Variants in PARP3 observed in about 807,000 individuals in gnomAD.
The protein encoded by PARP3 is poly(ADP-ribose) polymerase family member 3, also known as protein mono-ADP-ribosyltransferase PARP3.
PARP3 carries 46 observed loss-of-function variants against 58.2 expected under a neutral mutation model. The observed-to-expected ratio is 0.79, with a 90% CI of 0.62 to 1.01. PARP3 has a LOEUF of 1.01. Among genes scored for constraint, PARP3 ranks in the 50% least tolerant of loss-of-function variants. PARP3 has a pLI of 0.00. For missense variants in PARP3, 663 were observed against 683.9 expected (o/e 0.97, Z 0.34); for synonymous variants, 252 against 266.4 (o/e 0.95, Z 0.53).
At position 51,943,939 on chromosome 3, in the gene PARP3, A is replaced by G; in HGVS notation, c.184-150A>G. ...TCCTCTCACACCGCATCCCCTAGGG[A>G]AGAGCAGTGACCCCCCCAAGCTTCC... On this transcript the variant is annotated intron_variant, in intron 2 of 10. Coordinates refer to ENST00000398755, the MANE Select transcript of PARP3 (RefSeq NM_001003931.4). The G allele has an allele frequency of 5.2e-6, 3 of 581,530 alleles. 1 individual carries two copies. The highest frequency in any genetic ancestry group is 9.7e-4 in the Middle Eastern group (2 of 2,056). The allele number at this position is 581,530 out of a possible 1,614,324, so 36.0% of individuals were successfully genotyped here. A position where few individuals can be genotyped will look rare whatever the true frequency, so the allele number is the denominator to read the frequency against.
At chr3:51,945,444 G>A (rs1185586454) in intron 6 of PARP3, 51 bp from the exon 7 acceptor site, 7 of 1,588,450 alleles carry the variant, frequency 4.4e-6, no homozygotes, top group Non-Finnish European at 6.0e-6. Flanking sequence ...AGAGGAGAGG[G>A]GAGGCCAGAG....
chr3:51,947,813 C>A lies in PARP3; in HGVS notation c.1350C>A (p.His450Gln). 1 of 1,614,114 alleles carries A rather than the reference C, an allele frequency of 6.2e-7. No individual in the cohort carries two copies. Among genetic ancestry groups the A allele is most frequent in the Non-Finnish European group, 8.5e-7 (1 of 1,180,006 alleles). The change falls in exon 10 of 11, where the codon CAC becomes CAA. Residue 450 changes from histidine to glutamine, a missense_variant. This residue lies in a region of PARP3 where 88 missense variants were observed against 109.1 expected (regional missense o/e 0.81). Transcript: ENST00000398755. ...FLGEVALGRE[H>Q]HINTDNPSLK... Reference sequence around the variant, plus strand: ...GTGAGGTGGCCCTGGGCAGAGAGCACCATATCAACACGGACAACCCCAGCT... The same window carrying A: ...GTGAGGTGGCCCTGGGCAGAGAGCAACATATCAACACGGACAACCCCAGCT...
chr3:51,943,812 T>TC (rs1699601945), intron 2 of PARP3, among the ~76,000 whole-genome samples: 1 of 151,958 alleles, frequency 6.6e-6, no homozygotes, highest in Non-Finnish European at 1.5e-5. Flanking sequence ...CTTGCCCATG[T>TC]CCCCTCAGGG....
At chr3:51,942,803 T>C in intron 1 of PARP3, 95 bp downstream of exon 1, 1 of 1,504,630 alleles carries the variant, frequency 6.6e-7, no homozygotes, top group Non-Finnish European at 8.9e-7. Flanking sequence ...TGATCCGGAG[T>C]TCTGGCTCCT....
At chr3:51,942,808 G>T in intron 1 of PARP3, 100 bp downstream of exon 1, 3 of 1,500,694 alleles carry the variant, frequency 2.0e-6, no homozygotes, top group Non-Finnish European at 1.8e-6. Context: ...CGGAGTTCTG[G>T]CTCCTCAGAA....
At chr3:51,947,939 C>G (rs747649683) in intron 10 of PARP3, 44 bp downstream of exon 10, 2 of 1,566,558 alleles carry the variant, frequency 1.3e-6, no homozygotes, top group Admixed American at 3.4e-5. Flanking sequence ...GAGGTGGGGC[C>G]GAGATAGGGG....
chr3:51,946,212 T>A lies in PARP3; in HGVS notation c.1145T>A (p.Leu382Gln). 3 of 1,612,972 alleles carry A rather than the reference T, an allele frequency of 1.9e-6. No homozygotes were observed. Among genetic ancestry groups the A allele is most frequent in the Non-Finnish European group, 2.5e-6 (3 of 1,179,288 alleles). ...AHSKLGNRKL[L>Q]WHGTNMAVVA... The stretch of plus-strand genomic sequence containing the variant: ...TCCAAACTGGGTAATCGGAAGCTGC[T>A]GTGGCATGGCACCAACATGGCCGTG... Residue 382 changes from leucine (L) to glutamine (Q), a missense_variant, in exon 9 of 11, where the codon CTG becomes CAG. By Grantham distance (113) the Leu-to-Gln change is moderately radical. Around this residue, in one of 3 missense-constraint regions of PARP3, gnomAD observed 567 missense variants for 553.6 expected, o/e 1.02. Coordinates refer to ENST00000398755, the MANE Select transcript of PARP3 (RefSeq NM_001003931.4). The surrounding 1 kb of genome is among the most constrained non-coding windows in gnomAD (Gnocchi z 4.6).
In PARP3 at chr3:51,944,520, G is replaced by A. The variant is rs1434515174; in HGVS notation, c.443G>A (p.Gly148Asp). ...AERDHFVSHP[G>D]KYTLIEVQAE... ...CGGGACCACTTTGTGTCTCACCCGG[G>A]CAAGTACACACTTATCGAAGTACAG... Residue 148 changes from glycine (G) to aspartate (D), a missense_variant, in exon 4 of 11, where the codon GGC becomes GAC. By Grantham distance (94) the Gly-to-Asp change is moderately conservative. Around this residue, in one of 3 missense-constraint regions of PARP3, gnomAD observed 567 missense variants for 553.6 expected, o/e 1.02. Coordinates refer to ENST00000398755, the MANE Select transcript of PARP3 (RefSeq NM_001003931.4). This position sits in a 1 kb window ranked among gnomAD's most constrained non-coding sequence, Gnocchi z 4.2. The A allele has an allele frequency of 1.2e-6, 2 of 1,614,218 alleles. No homozygotes were observed. The highest frequency in any genetic ancestry group is 8.5e-7 in the Non-Finnish European group (1 of 1,180,040).
Position 51,947,884 on chromosome 3 carries a change from A to G in PARP3, c.1421A>G (p.His474Arg). The G allele has an allele frequency of 6.2e-7, 1 of 1,613,916 alleles. No individual in the cohort carries two copies. The highest frequency in any genetic ancestry group is 1.1e-5 in the South Asian group (1 of 91,076). ...PGFDSVIARG[H>R]TEPDPTQDTE... ...TTCGACAGTGTCATTGCCCGAGGCC[A>G]CACCGAGCCTGGTGAGTCCTCAGAA... is the stretch of plus-strand genomic sequence containing the variant. The change falls in exon 10 of 11, where the codon CAC (histidine) becomes CGC (arginine). Residue 474 changes from histidine to arginine, a missense_variant. Around this residue, in one of 3 missense-constraint regions of PARP3, gnomAD observed 88 missense variants for 109.1 expected, o/e 0.81. Coordinates refer to ENST00000398755, the MANE Select transcript of PARP3 (RefSeq NM_001003931.4).
chr3:51,948,346 C>T lies in PARP3; in HGVS notation c.1468C>T (p.Gln490Ter). Residue 490 changes from glutamine to a stop codon, truncating the protein, a stop_gained, in exon 11 of 11, where the codon CAG (glutamine) becomes TAG (stop). Transcript: ENST00000398755. LOFTEE classifies it high-confidence loss of function. ...TQDTELELDG[Q>*]QVVVPQGQPV... ...GGACACTGAGTTGGAGCTGGATGGC[C>T]AGCAAGTGGTGGTGCCCCAGGGCCA... The T allele has an allele frequency of 6.2e-7, 1 of 1,613,922 alleles. No individual in the cohort carries two copies.
In PARP3 at chr3:51,946,062, CG is replaced by C; in HGVS notation, c.1099-103del. 1 of 1,345,028 alleles carries C rather than the reference CG, an allele frequency of 7.4e-7. No homozygotes were observed. 83.3% of individuals were successfully genotyped at this position (1,345,028 alleles called of 1,614,324 possible). ...TCAGTTTCTGCCGGCCATGAGTGCG[CG>C]TGAGTAAGCAGAGGGACACTAGGCC... On this transcript the variant is annotated intron_variant, in intron 8 of 10. Coordinates refer to ENST00000398755, the MANE Select transcript of PARP3 (RefSeq NM_001003931.4). The surrounding 1 kb of genome is among the most constrained non-coding windows in gnomAD (Gnocchi z 4.6).
Position 51,942,633 on chromosome 3 carries a change from T to C in PARP3, c.-78T>C, listed in dbSNP as rs1699570990. 2.9e-5 allele frequency: 28 copies of C among 974,052 alleles called. 1 individual carries two copies. The Middle Eastern group carries it at 6.1e-4, about 21-fold the overall frequency. The allele number at this position is 974,052 out of a possible 1,614,324, so 60.3% of individuals were successfully genotyped here. On this transcript the variant is annotated 5_prime_UTR_variant, in exon 1 of 11. Transcript: ENST00000398755. ...GAGGCTCATGGAGAGTTGCTAGACCTGGGACTGCCCTGGGAGGCGCACACA... is the reference window on the plus strand; with the variant it reads ...GAGGCTCATGGAGAGTTGCTAGACCCGGGACTGCCCTGGGAGGCGCACACA...
chr3:51,944,121 G>T lies in PARP3; in HGVS notation c.216G>T (p.Gln72His). ...VYEDYNCTLN[Q>H]TNIENNNNKF... ...AGGACTACAACTGCACCCTGAACCA[G>T]ACCAACATCGAGAACAACAACAACA... The change falls in exon 3 of 11, where the codon CAG (glutamine) becomes CAT (histidine). Residue 72 changes from glutamine to histidine, a missense_variant. Physicochemically the swap from Gln to His is conservative, Grantham distance 24. Coordinates refer to ENST00000398755, the MANE Select transcript of PARP3 (RefSeq NM_001003931.4). The surrounding 1 kb of genome is among the most constrained non-coding windows in gnomAD (Gnocchi z 4.2). The T allele has an allele frequency of 6.2e-7, 1 of 1,613,798 alleles. No homozygotes were observed. Among genetic ancestry groups the T allele is most frequent in the South Asian group, 1.1e-5 (1 of 91,044 alleles).
rs1699635951 is a variant in PARP3 at position 51,944,926 on chromosome 3, C to T, written c.634+16C>T. 1 of 1,613,576 alleles carries T rather than the reference C, an allele frequency of 6.2e-7. No individual in the cohort carries two copies. The highest frequency in any genetic ancestry group is 2.2e-5 in the East Asian group (1 of 44,878). On this transcript the variant is annotated intron_variant, in intron 5 of 10. Coordinates refer to ENST00000398755, the MANE Select transcript of PARP3 (RefSeq NM_001003931.4). This position sits in a 1 kb window ranked among gnomAD's most constrained non-coding sequence, Gnocchi z 4.2. ...ATGGACCTGGGTGAGGGGTGAGAGG[C>T]AGGCAGGGTGGCAGGGGCCTCAGGG... is the stretch of plus-strand genomic sequence containing the variant.
At position 51,945,904 on chromosome 3, in the gene PARP3, C is replaced by CT; in HGVS notation, c.1065dup (p.Gln356SerfsTer23). The CT allele has an allele frequency of 6.2e-7, 1 of 1,614,176 alleles. No individual in the cohort carries two copies. Among genetic ancestry groups the CT allele is most frequent in the Non-Finnish European group, 8.5e-7 (1 of 1,180,006 alleles). Reference sequence around the variant, plus strand: ...TGGCAGCAACCACAGGTGCCCTACACTTCAACACATCTGGAAAGTAAACCA... The same window carrying CT: ...TGGCAGCAACCACAGGTGCCCTACACTTTCAACACATCTGGAAAGTAAACCA... On this transcript the variant is annotated frameshift_variant, in exon 8 of 11. Coordinates refer to ENST00000398755, the MANE Select transcript of PARP3 (RefSeq NM_001003931.4). LOFTEE classifies it high-confidence loss of function.
chr3:51,945,900 T>C lies in PARP3; in HGVS notation c.1059T>C (p.Pro353=). 2 of 1,614,130 alleles carry C rather than the reference T, an allele frequency of 1.2e-6. No individual in the cohort carries two copies. Among genetic ancestry groups the C allele is most frequent in the Non-Finnish European group, 1.7e-6 (2 of 1,179,990 alleles). ...LEQTGSNHRC[P]TLQHIWKVNQ... ...AGACTGGCAGCAACCACAGGTGCCC[T>C]ACACTTCAACACATCTGGAAAGTAA... The change falls in exon 8 of 11, where the codon CCT becomes CCC. Residue 353 remains proline (P), a synonymous_variant. Coordinates refer to ENST00000398755, the MANE Select transcript of PARP3 (RefSeq NM_001003931.4).
intron 7 of PARP3, 23 bp from the exon 8 acceptor site, chr3:51,945,830 A>G: frequency 6.2e-7 from 1 of 1,608,328 alleles, no homozygotes; most frequent in East Asian, 2.2e-5. Context: ...CACCCTGGCA[A>G]CCAGCTTCTG....
rs920827652 is a variant in PARP3 at position 51,945,243 on chromosome 3, G to A, written c.861+19G>A. 3.7e-6 allele frequency: 6 copies of A among 1,608,322 alleles called. No individual in the cohort carries two copies. The African/African-American group carries it at 4.0e-5, about 11-fold the overall frequency. On this transcript the variant is annotated intron_variant, in intron 6 of 10. Transcript: ENST00000398755. ...GCTGCTGGTGAGGGCTGGCAGGGGT[G>A]CGGGCAGGCAGTGGGGCACTGAACA...
rs1346236394 is a variant in PARP3, at chr3:51,944,486, T to C, written c.409T>C (p.Trp137Arg). Reference protein sequence around the residue: ...KKFREKTKNNWAERDHFVSHP... With the variant: ...KKFREKTKNNRAERDHFVSHP... ...ATTTCGGGAAAAGACCAAGAACAAC[T>C]GGGCAGAGCGGGACCACTTTGTGTC... The change falls in exon 4 of 11, where the codon TGG becomes CGG. Residue 137 changes from tryptophan (W) to arginine (R), a missense_variant. Physicochemically the swap from Trp to Arg is moderately radical, Grantham distance 101 (BLOSUM62 -3). Coordinates refer to ENST00000398755, the MANE Select transcript of PARP3 (RefSeq NM_001003931.4). The surrounding 1 kb of genome is among the most constrained non-coding windows in gnomAD (Gnocchi z 4.2). 2 of 1,614,132 alleles carry C rather than the reference T, an allele frequency of 1.2e-6. No homozygotes were observed. Among genetic ancestry groups the C allele is most frequent in the Non-Finnish European group, 1.7e-6 (2 of 1,180,026 alleles).
Sources: gnomAD v4.1 joint callset for allele counts (sites outside exome capture counted in the v4.1 genomes callset) on GRCh38, gnomAD v4.1.1 for gene constraint, gnomAD v4.1.1 regional missense constraint, Gnocchi (gnomAD v3.1) non-coding constraint, MANE v1.5 for transcripts, NCBI Gene and HGNC (gene_info 2026-07-23, HGNC 2026-07-21) for gene names.